Variants in ADAMTSL1 observed in about 807,000 individuals in gnomAD.
ADAMTSL1 encodes the protein ADAMTS like 1.
Under a neutral mutation model 201.8 loss-of-function variants are expected in ADAMTSL1, and 126 were observed. The observed-to-expected ratio is 0.62, with a 90% CI of 0.54 to 0.72. The LOEUF (loss-of-function observed/expected upper bound fraction) is 0.72. Ranked by LOEUF, ADAMTSL1 falls within the 30% of genes least tolerant of loss-of-function variation. The pLI, the probability that ADAMTSL1 is intolerant of heterozygous loss-of-function variation, is 0.00. For missense variants in ADAMTSL1, 2,679 were observed against 2,277.8 expected (o/e 1.18, Z -3.59); for synonymous variants, 1,121 against 903.4 (o/e 1.24, Z -4.32).
At chr9:18,277,412 A>T (rs1832626827) in intron 2 of ADAMTSL1, among the ~76,000 whole-genome samples, 1 of 152,166 alleles carries the variant, frequency 6.6e-6, no homozygotes, top group African/African-American at 2.4e-5. Context: ...TTTGGTTTAT[A>T]TATTTAAATG....
intron 9 of ADAMTSL1, among the ~76,000 whole-genome samples, chr9:18,669,285 A>C (rs1209873046): frequency 6.6e-6 from 1 of 152,256 alleles, no homozygotes; most frequent in Non-Finnish European, 1.5e-5. Context: ...ACAAAGACCA[A>C]GGAAATATTA....
chr9:18,255,032 T>C (rs757955174), intron 2 of ADAMTSL1, among the ~76,000 whole-genome samples: 3 of 152,196 alleles, frequency 2.0e-5, no homozygotes, highest in African/African-American at 4.8e-5. Flanking sequence ...GCAAATGATA[T>C]TGCATTTATT....
chr9:18,349,987 A>T (rs528474937), intron 2 of ADAMTSL1, among the ~76,000 whole-genome samples: 1 of 151,948 alleles, frequency 6.6e-6, no homozygotes, highest in African/African-American at 2.4e-5. Flanking sequence ...AAAGACAAAG[A>T]TACACAAAAA....
chr9:18,181,803 T>C (rs371273550), intron 2 of ADAMTSL1, among the ~76,000 whole-genome samples: 3 of 151,980 alleles, frequency 2.0e-5, no homozygotes, highest in Non-Finnish European at 2.9e-5. Context: ...ACCCAAAGGA[T>C]TATAAATCAT....
intron 1 of ADAMTSL1, among the ~76,000 whole-genome samples, chr9:18,101,865 G>T (rs758020432): frequency 3.9e-5 from 6 of 152,148 alleles, no homozygotes; most frequent in Non-Finnish European, 7.4e-5. Flanking sequence ...TCAGAGGATG[G>T]GGTTGCTCTC....
intron 1 of ADAMTSL1, among the ~76,000 whole-genome samples, chr9:18,039,911 G>A (rs1014594811): frequency 6.6e-6 from 1 of 152,110 alleles, no homozygotes; most frequent in Non-Finnish European, 1.5e-5. Context: ...TGTCTTCTTG[G>A]CAGATAGAAA....
intron 1 of ADAMTSL1, among the ~76,000 whole-genome samples, chr9:17,929,271 G>A (rs996281518): frequency 9.9e-5 from 15 of 151,814 alleles, no homozygotes; most frequent in African/African-American, 2.7e-4. Context: ...CAGCCTTTTC[G>A]TTATCACCTC....
intron 1 of ADAMTSL1, among the ~76,000 whole-genome samples, chr9:17,933,344 A>G (rs191237264): frequency 1.3e-5 from 2 of 152,038 alleles, no homozygotes; most frequent in African/African-American, 2.4e-5. Context: ...GCATTTGGGA[A>G]CTCACCGGGA....
intron 1 of ADAMTSL1, among the ~76,000 whole-genome samples, chr9:18,121,339 A>G (rs1322746365): frequency 6.6e-6 from 1 of 152,158 alleles, no homozygotes; most frequent in Non-Finnish European, 1.5e-5. Flanking sequence ...AAAAACTCAA[A>G]CTAATTTGTT....
intron 1 of ADAMTSL1, among the ~76,000 whole-genome samples, chr9:17,932,732 T>C (rs1162827727): frequency 1.3e-5 from 2 of 152,196 alleles, no homozygotes; most frequent in African/African-American, 4.8e-5. Flanking sequence ...TATTTTCATT[T>C]TGAATACAGT....
intron 3 of ADAMTSL1, among the ~76,000 whole-genome samples, chr9:18,541,003 C>T (rs1479443250): frequency 6.6e-6 from 1 of 152,144 alleles, no homozygotes; most frequent in Non-Finnish European, 1.5e-5. Context: ...TCTTTCCTGA[C>T]CTACCCAGCT....
intron 1 of ADAMTSL1, among the ~76,000 whole-genome samples, chr9:18,014,945 G>A (rs1054181087): frequency 5.3e-5 from 8 of 152,092 alleles, no homozygotes; most frequent in African/African-American, 1.9e-4. Flanking sequence ...ATCAAGAAAA[G>A]CCGTGTTAAA....
At chr9:18,786,215 C>G (rs1038005456) in intron 19 of ADAMTSL1, among the ~76,000 whole-genome samples, 1 of 152,220 alleles carries the variant, frequency 6.6e-6, no homozygotes, top group African/African-American at 2.4e-5. Flanking sequence ...ATGGCTAAGT[C>G]TAAGGAATTT....
intron 1 of ADAMTSL1, among the ~76,000 whole-genome samples, chr9:17,968,498 T>C (rs1037484075): frequency 6.6e-6 from 1 of 152,128 alleles, no homozygotes; most frequent in African/African-American, 2.4e-5. Flanking sequence ...AACCCCACTA[T>C]TCCTTCAGAT....
chr9:17,927,469 T>C (rs1395939116), intron 1 of ADAMTSL1, among the ~76,000 whole-genome samples: 1 of 151,972 alleles, frequency 6.6e-6, no homozygotes, highest in Non-Finnish European at 1.5e-5. Flanking sequence ...TGCAGTGGAA[T>C]ATTTTATATA....
At chr9:18,691,004 T>C (rs981516330) in intron 13 of ADAMTSL1, among the ~76,000 whole-genome samples, 1 of 152,186 alleles carries the variant, frequency 6.6e-6, no homozygotes, top group African/African-American at 2.4e-5. Flanking sequence ...CAAGAAACTG[T>C]TAGTGCATTC....
chr9:18,003,257 C>G (rs1819686257), intron 1 of ADAMTSL1, among the ~76,000 whole-genome samples: 3 of 151,518 alleles, frequency 2.0e-5, no homozygotes, highest in East Asian at 2.0e-4. Context: ...GCTCCAGCTA[C>G]TGACAGTCTA....
At chr9:18,042,992 A>G (rs1668729400) in intron 1 of ADAMTSL1, among the ~76,000 whole-genome samples, 1 of 152,176 alleles carries the variant, frequency 6.6e-6, no homozygotes, top group African/African-American at 2.4e-5. Context: ...ATAGTTGGGC[A>G]ATTAAATGAA....
At chr9:18,098,999 A>G (rs111944191) in intron 1 of ADAMTSL1, among the ~76,000 whole-genome samples, 33 of 151,826 alleles carry the variant, frequency 2.2e-4, no homozygotes, top group African/African-American at 6.3e-4. Flanking sequence ...GTTGCCTTAT[A>G]TATTTGATTC....
Sources: allele counts gnomAD v4.1 joint callset (sites outside exome capture counted in the v4.1 genomes callset), GRCh38; gene constraint gnomAD v4.1.1; transcripts MANE v1.5; gene names NCBI Gene and HGNC (gene_info 2026-07-23, HGNC 2026-07-21).